SEMA3D: variants seen among roughly 807,000 people sequenced by gnomAD.
SEMA3D encodes the protein semaphorin-3D.
SEMA3D carries 84 observed loss-of-function variants against 100.1 expected under a neutral mutation model. The observed-to-expected ratio is 0.84, with a 90% CI of 0.70 to 1.01. SEMA3D has a LOEUF of 1.01. Ranked by LOEUF, SEMA3D falls within the 50% of genes least tolerant of loss-of-function variation. The pLI, the probability that SEMA3D is intolerant of heterozygous loss-of-function variation, is 0.00. For missense variants in SEMA3D, 875 were observed against 934.1 expected (o/e 0.94, Z 0.82); for synonymous variants, 312 against 320.7 (o/e 0.97, Z 0.29).
At chr7:85,197,391 T>C in the SEMA3D span, among the ~76,000 whole-genome samples, 1 of 152,320 alleles carries the variant, frequency 6.6e-6, no homozygotes, top group South Asian at 2.1e-4. Flanking sequence ...CCCAGGTTTT[T>C]AGATAAACCC....
In SEMA3D at chr7:85,047,293, C is replaced by T. The variant is rs1009168609; in HGVS notation, c.862-5008G>A. Reference sequence around the variant, plus strand: ...TACTAAGATCTTCTAATCATAGCATCTACTGATAGGTAGATCAGACCTAAA... The same window carrying T: ...TACTAAGATCTTCTAATCATAGCATTTACTGATAGGTAGATCAGACCTAAA... On this transcript the variant is annotated intron_variant, in intron 9 of 18. Transcript: ENST00000284136. Among the ~76,000 whole-genome samples, 8 of 151,970 alleles carry T rather than the reference C, an allele frequency of 5.3e-5. No homozygotes were observed. The South Asian group carries it at 6.2e-4, about 12-fold the overall frequency.
chr7:85,201,506 G>C, the SEMA3D span, among the ~76,000 whole-genome samples: 3 of 152,088 alleles, frequency 2.0e-5, no homozygotes, highest in Admixed American at 2.0e-4. Flanking sequence ...TACTCATTTT[G>C]GGATGTTTAT....
chr7:85,129,425 T>C lies in SEMA3D; in HGVS notation c.-40-7494A>G, dbSNP rs551760991. On this transcript the variant is annotated intron_variant, in intron 2 of 18. Coordinates refer to ENST00000284136, the MANE Select transcript of SEMA3D (RefSeq NM_001384900.1). ...ATTAAAAATATTTACTGAAAAAAAT[T>C]AGTTATGTCAAAGGAGGAAAAATTG... Among the ~76,000 whole-genome samples the C allele has an allele frequency of 2.6e-5, 4 of 152,272 alleles. No individual in the cohort carries two copies. The East Asian group carries it at 5.8e-4, about 22-fold the overall frequency.
chr7:85,170,415 T>C (rs1290241560), intron 1 of SEMA3D, among the ~76,000 whole-genome samples: 4 of 151,856 alleles, frequency 2.6e-5, no homozygotes, highest in Non-Finnish European at 5.9e-5. Flanking sequence ...CATTGTGAAT[T>C]TTGGGAACAA....
At chr7:85,068,374 G>C in intron 6 of SEMA3D, 90 bp from the exon 7 acceptor site, 1 of 726,250 alleles carries the variant, frequency 1.4e-6, no homozygotes, top group Non-Finnish European at 2.4e-6. Context: ...TCCAACTCAT[G>C]AATTTGATAA....
At chr7:85,200,491 T>C in the SEMA3D span, among the ~76,000 whole-genome samples, 1 of 152,098 alleles carries the variant, frequency 6.6e-6, no homozygotes, top group Non-Finnish European at 1.5e-5. Flanking sequence ...AGAGATAATT[T>C]AGGGTATCTG....
chr7:85,018,177 T>A, intron 15 of SEMA3D, 75 bp downstream of exon 15: 1 of 906,822 alleles, frequency 1.1e-6, no homozygotes, highest in Non-Finnish European at 1.8e-6. Context: ...TTCAATGGAT[T>A]TTTTTTCAAA....
At chr7:85,211,654 T>C in the SEMA3D span, among the ~76,000 whole-genome samples, 1 of 152,060 alleles carries the variant, frequency 6.6e-6, no homozygotes, top group Non-Finnish European at 1.5e-5. Context: ...GTACTGTTGA[T>C]GCTTGAACAA....
At position 85,167,964 on chromosome 7, in the gene SEMA3D, C is replaced by G. The variant is rs541522140; in HGVS notation, c.-172-14225G>C. On this transcript the variant is annotated intron_variant, in intron 1 of 18. Coordinates refer to ENST00000284136, the MANE Select transcript of SEMA3D (RefSeq NM_001384900.1). ...ATACTTTAGATAAGTCTACCTCTCA[C>G]AGACAAACAGCTATAAACAAAACAC... 7.2e-5 allele frequency among the ~76,000 whole-genome samples: 11 copies of G among 151,948 alleles called. 1 individual carries two copies. Among genetic ancestry groups the G allele is most frequent in the Admixed American group, 7.2e-4 (11 of 15,214 alleles).
chr7:85,017,495 T>A (rs931724094), intron 15 of SEMA3D, among the ~76,000 whole-genome samples: 1 of 151,662 alleles, frequency 6.6e-6, no homozygotes, highest in African/African-American at 2.4e-5. Flanking sequence ...GATAATTTCC[T>A]AAAAAAATCA....
the SEMA3D span, among the ~76,000 whole-genome samples, chr7:85,219,959 G>C: frequency 6.6e-6 from 1 of 151,960 alleles, no homozygotes. Context: ...TTCCAAGTTT[G>C]TTGGTAGGAA....
the SEMA3D span, among the ~76,000 whole-genome samples, chr7:85,207,217 A>G: frequency 6.6e-6 from 1 of 152,116 alleles, no homozygotes; most frequent in Non-Finnish European, 1.5e-5. Flanking sequence ...GGTCATAAGT[A>G]GAAAGATATC....
At chr7:85,165,229 C>CT (rs1790870994) in intron 1 of SEMA3D, among the ~76,000 whole-genome samples, 1 of 148,742 alleles carries the variant, frequency 6.7e-6, no homozygotes, top group African/African-American at 2.5e-5. Flanking sequence ...AATAATAAAA[C>CT]TTTTTTATGT....
chr7:85,242,097 TA>T, the SEMA3D span, among the ~76,000 whole-genome samples: 1 of 152,118 alleles, frequency 6.6e-6, no homozygotes, highest in African/African-American at 2.4e-5. Flanking sequence ...GACAAGCAAG[TA>T]ATCCATCTTA....
At chr7:85,159,394 C>T (rs931807755) in intron 1 of SEMA3D, among the ~76,000 whole-genome samples, 3 of 152,130 alleles carry the variant, frequency 2.0e-5, no homozygotes, top group African/African-American at 7.2e-5. Flanking sequence ...GTGCCAGACT[C>T]AAATTTTCCT....
intron 17 of SEMA3D, among the ~76,000 whole-genome samples, chr7:85,011,654 A>G (rs1789956690): frequency 1.3e-5 from 2 of 151,774 alleles, no homozygotes; most frequent in African/African-American, 2.4e-5. Flanking sequence ...TTTCATATTC[A>G]TATGTAGATA....
the SEMA3D span, among the ~76,000 whole-genome samples, chr7:85,203,918 TA>T: frequency 6.6e-6 from 1 of 151,942 alleles, no homozygotes; most frequent in Non-Finnish European, 1.5e-5. Context: ...GATATTGGAA[TA>T]AAAAAATGCT....
In SEMA3D at chr7:85,074,736, C is replaced by A. The variant is rs560276897; in HGVS notation, c.376-1655G>T. Among the ~76,000 whole-genome samples the A allele has an allele frequency of 5.3e-5, 8 of 151,956 alleles. No individual in the cohort carries two copies. In the South Asian group the frequency reaches 1.7e-3, roughly 32 times the overall value. ...GGCCCAAGCAATTCTTTAGCCTCAG[C>A]CTCTTGAGTAGCTGGAACTACAGGT... is the stretch of plus-strand genomic sequence containing the variant. On this transcript the variant is annotated intron_variant, in intron 5 of 18. Coordinates refer to ENST00000284136, the MANE Select transcript of SEMA3D (RefSeq NM_001384900.1).
At chr7:85,197,958 C>T in the SEMA3D span, among the ~76,000 whole-genome samples, 1 of 152,036 alleles carries the variant, frequency 6.6e-6, no homozygotes, top group Admixed American at 6.6e-5. Flanking sequence ...GTAACTACAC[C>T]AACAATGTAC....
Sources: gnomAD v4.1 joint callset for allele counts (sites outside exome capture counted in the v4.1 genomes callset) on GRCh38, gnomAD v4.1.1 for gene constraint, MANE v1.5 for transcripts, NCBI Gene and HGNC (gene_info 2026-07-23, HGNC 2026-07-21) for gene names.